ZNF678: variants seen among roughly 807,000 people sequenced by gnomAD.
ZNF678 encodes the protein hypothetical protein MGC42493.
In ZNF678, 5 loss-of-function variants were observed where a neutral mutation model predicts 3.0. The ratio of observed to expected loss-of-function variants is 1.69; its 90% CI spans 0.88 to 3.56. The LOEUF (loss-of-function observed/expected upper bound fraction) is 3.56. Among genes scored for constraint, ZNF678 ranks in the 30% most tolerant of loss-of-function variants. The probability of loss-of-function intolerance (pLI) is 0.00; values close to 1 mark genes in which losing one functional copy is unlikely to be tolerated. For synonymous variants in ZNF678, 218 were observed against 199.6 expected, an observed-to-expected ratio of 1.09 and a Z score of -0.78; for missense variants, 593 against 605.0, an observed-to-expected ratio of 0.98 and a Z score of 0.21.
intron 1 of ZNF678, among the ~76,000 whole-genome samples, chr1:227,632,667 G>A (rs369429946): frequency 4.6e-5 from 7 of 152,160 alleles, no homozygotes; most frequent in South Asian, 2.1e-4. Flanking sequence ...TGGCAGCCAC[G>A]CTGATCGTTT....
chr1:227,676,597 G>A (rs1219821433), intron 5 of ZNF678, among the ~76,000 whole-genome samples: 1 of 151,826 alleles, frequency 6.6e-6, no homozygotes, highest in East Asian at 1.9e-4. Flanking sequence ...ATGTATACAT[G>A]TGCCATGTTG....
In ZNF678 at chr1:227,563,693, A is replaced by C; in HGVS notation, c.-195A>C. 7.5e-7 allele frequency: 1 copy of C among 1,333,026 alleles called. No individual in the cohort carries two copies. The highest frequency in any genetic ancestry group is 1.0e-6 in the Non-Finnish European group (1 of 1,003,386). 82.6% of individuals were successfully genotyped at this position (1,333,026 alleles called of 1,614,324 possible). On this transcript the variant is annotated 5_prime_UTR_variant, in exon 1 of 4. Transcript: ENST00000343776. ...GCAGGTACTGGGAGTTACATAGCTAAGATGCCAGGACACCCCGAAAGCCGG... is the reference window on the plus strand; with the variant it reads ...GCAGGTACTGGGAGTTACATAGCTACGATGCCAGGACACCCCGAAAGCCGG...
intron 1 of ZNF678, among the ~76,000 whole-genome samples, chr1:227,579,584 C>T (rs1316473656): frequency 1.3e-5 from 2 of 152,098 alleles, no homozygotes; most frequent in African/African-American, 4.8e-5. Flanking sequence ...CTGGGGGAAG[C>T]TGCAGTATGG....
chr1:227,650,715 A>G (rs878890670), intron 2 of ZNF678, among the ~76,000 whole-genome samples: 3 of 152,090 alleles, frequency 2.0e-5, no homozygotes, highest in Admixed American at 2.0e-4. Context: ...TTGCTATGAA[A>G]TTTATTTAGA....
chr1:227,650,867 A>G, intron 2 of ZNF678, 89 bp from the exon 3 acceptor site: 2 of 936,856 alleles, frequency 2.1e-6, no homozygotes, highest in Non-Finnish European at 3.2e-6. Context: ...ATATAAGATA[A>G]TGTCATCAAC....
intron 1 of ZNF678, among the ~76,000 whole-genome samples, chr1:227,578,068 G>C (rs1657031171): frequency 6.6e-6 from 1 of 152,160 alleles, no homozygotes. Context: ...TTGGTCCCCA[G>C]TCTCTTCCGG....
chr1:227,621,601 G>C (rs1658281887), intron 1 of ZNF678, among the ~76,000 whole-genome samples: 1 of 152,232 alleles, frequency 6.6e-6, no homozygotes, highest in African/African-American at 2.4e-5. Flanking sequence ...TGATGAGGTT[G>C]TGTAGAACCT....
At position 227,655,194 on chromosome 1, in the gene ZNF678, A is replaced by C. The variant is rs1456446819; in HGVS notation, c.944A>C (p.His315Pro). The C allele has an allele frequency of 6.2e-7, 1 of 1,612,116 alleles. No homozygotes were observed. The highest frequency in any genetic ancestry group is 8.5e-7 in the Non-Finnish European group (1 of 1,179,248). ...AGCCTTACTCGTCATAAAAGAATTCATACTGGAGAAAAACCCTACCAATGT... is the reference window on the plus strand; with the variant it reads ...AGCCTTACTCGTCATAAAAGAATTCCTACTGGAGAAAAACCCTACCAATGT... ...FASLTRHKRIHTGEKPYQCEE... is the reference protein window; with the variant it reads ...FASLTRHKRIPTGEKPYQCEE... The change falls in exon 4 of 4, where the codon CAT becomes CCT. Residue 315 changes from histidine to proline, a missense_variant. Transcript: ENST00000343776.
At chr1:227,592,220 G>A (rs539413169) in intron 1 of ZNF678, among the ~76,000 whole-genome samples, 3 of 152,350 alleles carry the variant, frequency 2.0e-5, no homozygotes, top group Non-Finnish European at 4.4e-5. Flanking sequence ...GCAAGCTTTG[G>A]TATCTAGTTA....
intron 1 of ZNF678, among the ~76,000 whole-genome samples, chr1:227,575,991 A>G (rs1052899101): frequency 5.9e-5 from 9 of 152,112 alleles, no homozygotes; most frequent in African/African-American, 1.9e-4. Context: ...TTCTGCATCT[A>G]TTGAGATAAT....
intron 1 of ZNF678, among the ~76,000 whole-genome samples, chr1:227,578,436 T>C (rs1657041447): frequency 6.6e-6 from 1 of 152,276 alleles, no homozygotes; most frequent in African/African-American, 2.4e-5. Flanking sequence ...TATTTGTTCC[T>C]TTTAACTCTT....
chr1:227,668,478 A>G (rs980479931), intron 5 of ZNF678, among the ~76,000 whole-genome samples: 1 of 152,248 alleles, frequency 6.6e-6, no homozygotes, highest in African/African-American at 2.4e-5. Context: ...CATTGTAAAC[A>G]TAAAATGCCA....
chr1:227,647,735 T>C (rs1454767962), intron 2 of ZNF678, among the ~76,000 whole-genome samples: 1 of 129,124 alleles, frequency 7.7e-6, no homozygotes, highest in African/African-American at 2.9e-5. Context: ...GAAGTGATTT[T>C]CCTTTGAGGC....
intron 1 of ZNF678, among the ~76,000 whole-genome samples, chr1:227,622,596 ATTAC>A (rs144430299): frequency 2.6e-5 from 4 of 152,318 alleles, no homozygotes; most frequent in African/African-American, 7.2e-5. Context: ...ATTTGTCATA[ATTAC>A]TTATGGTAGT....
intron 1 of ZNF678, among the ~76,000 whole-genome samples, chr1:227,628,502 G>T (rs1175138088): frequency 6.6e-6 from 1 of 152,194 alleles, no homozygotes; most frequent in African/African-American, 2.4e-5. Context: ...ATATTCAACA[G>T]CAGCCTTTTA....
intron 1 of ZNF678, among the ~76,000 whole-genome samples, chr1:227,566,661 A>G (rs760021834): frequency 6.6e-6 from 1 of 152,158 alleles, no homozygotes; most frequent in East Asian, 1.9e-4. Context: ...AGATTTGTTC[A>G]CTTATTTCAT....
chr1:227,655,856 T>A lies in ZNF678; in HGVS notation c.*28T>A. The A allele has an allele frequency of 6.5e-7, 1 of 1,532,054 alleles. No individual in the cohort carries two copies. Among genetic ancestry groups the A allele is most frequent in the Non-Finnish European group, 8.7e-7 (1 of 1,144,406 alleles). 94.9% of individuals were successfully genotyped at this position (1,532,054 alleles called of 1,614,324 possible). On this transcript the variant is annotated 3_prime_UTR_variant, in exon 4 of 4. Coordinates refer to ENST00000343776, the MANE Select transcript of ZNF678 (RefSeq NM_001367909.1). ...ACTGCTTCATTATACATGGCTTCAC[T>A]AATTTCATACTGAATAAAAGTGGTA... is the stretch of plus-strand genomic sequence containing the variant.
chr1:227,610,706 T>C (rs1657995228), intron 1 of ZNF678, among the ~76,000 whole-genome samples: 1 of 152,182 alleles, frequency 6.6e-6, no homozygotes, highest in African/African-American at 2.4e-5. Flanking sequence ...GCCCAAGTCT[T>C]TTGTACTGAT....
chr1:227,590,613 T>C (rs1657388020), intron 1 of ZNF678, among the ~76,000 whole-genome samples: 1 of 151,790 alleles, frequency 6.6e-6, no homozygotes, highest in Admixed American at 6.6e-5. Context: ...GCAGGAAGCA[T>C]AGACAGGGAA....
Sources: gnomAD v4.1 joint callset for allele counts (sites outside exome capture counted in the v4.1 genomes callset) on GRCh38, gnomAD v4.1.1 for gene constraint, MANE v1.5 for transcripts, NCBI Gene and HGNC (gene_info 2026-07-23, HGNC 2026-07-21) for gene names.